SGPP2: variants seen among roughly 807,000 people sequenced by gnomAD.
The protein encoded by SGPP2 is sphingosine 1-phosphate phosphohydrolase 2.
In SGPP2, 30 loss-of-function variants were observed where a neutral mutation model predicts 33.9. That is an observed-to-expected ratio of 0.89 (90% CI 0.66 to 1.20). SGPP2 has a LOEUF of 1.20. Among genes scored for constraint, SGPP2 ranks in the 50% most tolerant of loss-of-function variants. The pLI, the probability that SGPP2 is intolerant of heterozygous loss-of-function variation, is 0.00. For synonymous variants in SGPP2, 233 were observed against 225.0 expected (o/e 1.04, Z -0.32); for missense variants, 458 against 532.1 (o/e 0.86, Z 1.37).
chr2:222,497,824 A>C (rs1698304500), intron 2 of SGPP2, among the ~76,000 whole-genome samples: 1 of 152,212 alleles, frequency 6.6e-6, no homozygotes, highest in Non-Finnish European at 1.5e-5. Flanking sequence ...GTGATGAGGG[A>C]AGAGCAGAAA....
chr2:222,427,225 A>G (rs534966396), intron 1 of SGPP2, among the ~76,000 whole-genome samples: 2 of 152,328 alleles, frequency 1.3e-5, no homozygotes, highest in African/African-American at 4.8e-5. Flanking sequence ...GACTTTTGTG[A>G]ATACATGCAT....
chr2:222,476,812 G>A lies in SGPP2; in HGVS notation c.378+2086G>A, dbSNP rs962538274. On this transcript the variant is annotated intron_variant, in intron 2 of 4. Transcript: ENST00000321276. This position sits in a 1 kb window ranked among gnomAD's most constrained non-coding sequence, Gnocchi z 4.3. Reference sequence around the variant, plus strand: ...TACAGGTGTGTGTATATCCGTGCGTGTATATAGGTGTGTGTATATGTGTAT... The same window carrying A: ...TACAGGTGTGTGTATATCCGTGCGTATATATAGGTGTGTGTATATGTGTAT... Among the ~76,000 whole-genome samples the A allele has an allele frequency of 1.3e-5, 2 of 151,796 alleles. No individual in the cohort carries two copies. Among genetic ancestry groups the A allele is most frequent in the African/African-American group, 4.8e-5 (2 of 41,288 alleles).
At chr2:222,467,314 C>G (rs931439741) in intron 1 of SGPP2, among the ~76,000 whole-genome samples, 1 of 152,174 alleles carries the variant, frequency 6.6e-6, no homozygotes, top group Non-Finnish European at 1.5e-5. Flanking sequence ...CTACCACCCC[C>G]ACCATCATCA....
chr2:222,555,358 C>T (rs1056373560), intron 4 of SGPP2, among the ~76,000 whole-genome samples: 2 of 149,940 alleles, frequency 1.3e-5, no homozygotes, highest in African/African-American at 4.9e-5. Flanking sequence ...GCATAATTTT[C>T]ATATTATAAG....
chr2:222,505,721 C>A (rs1427471180), intron 2 of SGPP2, among the ~76,000 whole-genome samples: 1 of 151,814 alleles, frequency 6.6e-6, no homozygotes, highest in Non-Finnish European at 1.5e-5. Context: ...ATTGCTTGAG[C>A]TCAGAAGTTC....
chr2:222,435,031 T>C (rs1697217258), intron 1 of SGPP2, among the ~76,000 whole-genome samples: 1 of 151,024 alleles, frequency 6.6e-6, no homozygotes, highest in African/African-American at 2.4e-5. Flanking sequence ...TATGTGTGTA[T>C]ATATATGTGT....
At position 222,560,698 on chromosome 2, in the gene SGPP2, TAC is replaced by T. The variant is rs961562650; in HGVS notation, c.*1802_*1803del. 2 of 152,246 alleles carry T rather than the reference TAC, an allele frequency of 1.3e-5. No homozygotes were observed. Among genetic ancestry groups the T allele is most frequent in the Non-Finnish European group, 2.9e-5 (2 of 68,044 alleles). The allele number at this position is 152,246 out of a possible 1,614,324, so 9.4% of individuals were successfully genotyped here. The stretch of plus-strand genomic sequence containing the variant: ...AAAAAAAAATAGCTTCCTTAAAAGT[TAC>T]AGAGGCTCTTAACGTGTTAAAACCG... On this transcript the variant is annotated 3_prime_UTR_variant, in exon 5 of 5. Coordinates refer to ENST00000321276, the MANE Select transcript of SGPP2 (RefSeq NM_152386.4).
At chr2:222,515,259 C>T (rs1278832096) in intron 2 of SGPP2, among the ~76,000 whole-genome samples, 1 of 152,198 alleles carries the variant, frequency 6.6e-6, no homozygotes, top group Non-Finnish European at 1.5e-5. Flanking sequence ...ATCCATTCTA[C>T]AACATGGTGC....
At chr2:222,456,324 A>G (rs1015995705) in intron 1 of SGPP2, among the ~76,000 whole-genome samples, 3 of 152,178 alleles carry the variant, frequency 2.0e-5, no homozygotes, top group Admixed American at 6.5e-5. Context: ...GATGATGGAC[A>G]TGTTCTGTAT....
intron 1 of SGPP2, among the ~76,000 whole-genome samples, chr2:222,466,509 C>T (rs796584436): frequency 3.9e-5 from 6 of 152,062 alleles, no homozygotes; most frequent in Admixed American, 3.3e-4. Context: ...CCGCCCACCT[C>T]GGCCTCCCAA....
rs989074650 is a variant in SGPP2 at position 222,476,142 on chromosome 2, A to G, written c.378+1416A>G. On this transcript the variant is annotated intron_variant, in intron 2 of 4. Transcript: ENST00000321276. This position sits in a 1 kb window ranked among gnomAD's most constrained non-coding sequence, Gnocchi z 4.3. ...GCACTAGAAATAGAGGTTCAGAAGC[A>G]CTTGGTTGGGTATAAAAGAGAAGAT... 6.6e-6 allele frequency among the ~76,000 whole-genome samples: 1 copy of G among 152,216 alleles called. No homozygotes were observed. The highest frequency in any genetic ancestry group is 2.4e-5 in the African/African-American group (1 of 41,464).
chr2:222,458,620 TA>T (rs1052156442), intron 1 of SGPP2, among the ~76,000 whole-genome samples: 4 of 152,224 alleles, frequency 2.6e-5, no homozygotes, highest in African/African-American at 7.2e-5. Flanking sequence ...CGAGTGCTTT[TA>T]AATTTTTTCA....
intron 1 of SGPP2, chr2:222,452,717 G>C: frequency 7.2e-7 from 1 of 1,382,388 alleles, no homozygotes; most frequent in Non-Finnish European, 1.0e-6. Context: ...AGGTCTGGTT[G>C]CTCCACATTG....
chr2:222,506,996 C>T (rs1254901103), intron 2 of SGPP2, among the ~76,000 whole-genome samples: 1 of 152,100 alleles, frequency 6.6e-6, no homozygotes, highest in African/African-American at 2.4e-5. Context: ...TCTGGGAGCA[C>T]AGAGAAAACC....
At chr2:222,511,400 C>A (rs1698525378) in intron 2 of SGPP2, among the ~76,000 whole-genome samples, 1 of 152,154 alleles carries the variant, frequency 6.6e-6, no homozygotes, top group Admixed American at 6.5e-5. Context: ...ACCTCCATGC[C>A]ATCCTTCAAT....
intron 2 of SGPP2, among the ~76,000 whole-genome samples, chr2:222,513,215 C>G (rs1698556825): frequency 6.6e-6 from 1 of 152,112 alleles, no homozygotes; most frequent in Non-Finnish European, 1.5e-5. Flanking sequence ...GTTGGAATTC[C>G]CTAATGTCAT....
intron 1 of SGPP2, among the ~76,000 whole-genome samples, chr2:222,472,821 C>T (rs977497335): frequency 1.3e-5 from 2 of 152,184 alleles, no homozygotes; most frequent in Non-Finnish European, 2.9e-5. Context: ...TGGACATAAA[C>T]CTGGCCAACT....
intron 1 of SGPP2, among the ~76,000 whole-genome samples, chr2:222,450,460 T>C (rs907137228): frequency 6.6e-6 from 1 of 152,234 alleles, no homozygotes; most frequent in Non-Finnish European, 1.5e-5. Context: ...ATATTTTTAG[T>C]TTCTATGGAT....
intron 1 of SGPP2, among the ~76,000 whole-genome samples, chr2:222,471,507 A>G (rs1697841775): frequency 1.3e-5 from 2 of 152,038 alleles, no homozygotes; most frequent in African/African-American, 4.8e-5. Context: ...TTATTCCCCC[A>G]AATTGTGCTC....
Sources: allele counts gnomAD v4.1 joint callset (sites outside exome capture counted in the v4.1 genomes callset), GRCh38; gene constraint gnomAD v4.1.1; non-coding constraint Gnocchi (gnomAD v3.1); transcripts MANE v1.5; gene names NCBI Gene and HGNC (gene_info 2026-07-23, HGNC 2026-07-21).